Variants in NRG3 observed in about 807,000 individuals in gnomAD.
NRG3 encodes the protein neuregulin 3, also known as pro-neuregulin-3, membrane-bound isoform.
Under a neutral mutation model 66.9 loss-of-function variants are expected in NRG3, and 31 were observed. That is an observed-to-expected ratio of 0.46 (90% CI 0.35 to 0.63). NRG3 has a LOEUF of 0.63. Among genes scored for constraint, NRG3 ranks in the 20% least tolerant of loss-of-function variants. NRG3 has a pLI of 0.00. For missense variants in NRG3, 910 were observed against 878.9 expected (o/e 1.04, Z -0.45); for synonymous variants, 393 against 359.4 (o/e 1.09, Z -1.06).
intron 2 of NRG3, among the ~76,000 whole-genome samples, chr10:82,575,914 A>G (rs1325085404): frequency 6.6e-6 from 1 of 151,716 alleles, no homozygotes; most frequent in Non-Finnish European, 1.5e-5. Context: ...TGGGGAATAA[A>G]TGAATGGATT....
chr10:82,716,574 A>G (rs931981746), intron 2 of NRG3, among the ~76,000 whole-genome samples: 1 of 152,180 alleles, frequency 6.6e-6, no homozygotes, highest in African/African-American at 2.4e-5. Context: ...TGCCCTGCTG[A>G]TAAGAACTAA....
intron 5 of NRG3, among the ~76,000 whole-genome samples, chr10:82,957,950 T>C (rs1438347978): frequency 1.3e-5 from 2 of 152,000 alleles, no homozygotes; most frequent in Non-Finnish European, 2.9e-5. Flanking sequence ...GTACCAAGTC[T>C]ATGCTAATAG....
At chr10:82,942,765 T>C (rs1040460944) in intron 4 of NRG3, among the ~76,000 whole-genome samples, 12 of 152,288 alleles carry the variant, frequency 7.9e-5, no homozygotes, top group Non-Finnish European at 1.0e-4. Flanking sequence ...GCTCTTATCC[T>C]CTTATCCATT....
chr10:82,567,947 G>C (rs766873300), intron 2 of NRG3, among the ~76,000 whole-genome samples: 53 of 152,026 alleles, frequency 3.5e-4, no homozygotes, highest in Non-Finnish European at 6.3e-4. Flanking sequence ...AAGGACCATT[G>C]TAGTTAAGCC....
intron 1 of NRG3, among the ~76,000 whole-genome samples, chr10:82,170,502 G>T (rs2072487405): frequency 6.6e-6 from 1 of 151,050 alleles, no homozygotes; most frequent in South Asian, 2.1e-4. Flanking sequence ...AAATCCATAT[G>T]GTTCACCATT....
intron 1 of NRG3, among the ~76,000 whole-genome samples, chr10:82,091,356 A>G (rs1435490949): frequency 1.3e-5 from 2 of 151,972 alleles, no homozygotes; most frequent in African/African-American, 2.4e-5. Flanking sequence ...GGTAACCTCT[A>G]TTGTACTTTC....
chr10:81,929,352 A>T (rs1272553848), intron 1 of NRG3, among the ~76,000 whole-genome samples: 1 of 152,222 alleles, frequency 6.6e-6, no homozygotes, highest in African/African-American at 2.4e-5. Context: ...GTGCCTAAGA[A>T]TTAAAACATA....
At chr10:82,264,953 C>A (rs2078219937) in intron 1 of NRG3, among the ~76,000 whole-genome samples, 1 of 152,092 alleles carries the variant, frequency 6.6e-6, no homozygotes, top group South Asian at 2.1e-4. Flanking sequence ...GATCAGGAGG[C>A]AAGATAGCAT....
chr10:82,245,303 A>G (rs1203701753), intron 1 of NRG3, among the ~76,000 whole-genome samples: 1 of 152,166 alleles, frequency 6.6e-6, no homozygotes, highest in Non-Finnish European at 1.5e-5. Flanking sequence ...CTCATCTGAC[A>G]GGAGACGGAG....
intron 1 of NRG3, among the ~76,000 whole-genome samples, chr10:82,175,055 A>C (rs532862092): frequency 7.9e-5 from 12 of 152,214 alleles, no homozygotes; most frequent in Middle Eastern, 3.4e-3. Flanking sequence ...TCAGGCATTA[A>C]TTTTTACCTT....
chr10:82,976,362 C>T (rs945714665), intron 7 of NRG3, among the ~76,000 whole-genome samples: 2 of 152,100 alleles, frequency 1.3e-5, no homozygotes, highest in African/African-American at 4.8e-5. Context: ...CACCATGCCA[C>T]TTATAAAAAG....
chr10:82,163,450 A>G (rs1458438460), intron 1 of NRG3, among the ~76,000 whole-genome samples: 1 of 152,196 alleles, frequency 6.6e-6, no homozygotes, highest in Non-Finnish European at 1.5e-5. Context: ...ACCAGATACC[A>G]ACTACAATAT....
chr10:82,878,544 G>A lies in NRG3; in HGVS notation c.1054+13107G>A, dbSNP rs150052622. ...AGTCTGTGCCAGATTCAGAGAAAGC[G>A]GCAAGTGCAGAATGCCTGGGGAGGC... is the stretch of plus-strand genomic sequence containing the variant. On this transcript the variant is annotated intron_variant, in intron 4 of 8. Transcript: ENST00000372141. Among the ~76,000 whole-genome samples, 172 of 152,294 alleles carry A rather than the reference G, an allele frequency of 1.1e-3. 2 individuals are homozygous for A. The highest frequency in any genetic ancestry group is 6.8e-3 in the Middle Eastern group (2 of 294).
At chr10:81,993,981 A>T (rs2060839190) in intron 1 of NRG3, among the ~76,000 whole-genome samples, 1 of 152,134 alleles carries the variant, frequency 6.6e-6, no homozygotes, top group South Asian at 2.1e-4. Context: ...TTCTTTAGAC[A>T]ATTTCCTATT....
chr10:82,184,231 A>C (rs74144196), intron 1 of NRG3, among the ~76,000 whole-genome samples: 1 of 152,124 alleles, frequency 6.6e-6, no homozygotes, highest in Non-Finnish European at 1.5e-5. Context: ...TATAAAATCA[A>C]TGTCTGATAA....
chr10:82,084,183 G>A (rs12569717), intron 1 of NRG3, among the ~76,000 whole-genome samples: 9,257 of 151,978 alleles, frequency 0.061, 432 homozygotes, highest in East Asian at 0.24. Flanking sequence ...AGCCGAGATT[G>A]CGCCACTGCA....
At chr10:82,011,754 A>G (rs1049011728) in intron 1 of NRG3, among the ~76,000 whole-genome samples, 1 of 152,170 alleles carries the variant, frequency 6.6e-6, no homozygotes, top group Non-Finnish European at 1.5e-5. Flanking sequence ...GAGCTCCAAA[A>G]TGATCTCCTT....
chr10:82,130,554 A>G (rs1486523506), intron 1 of NRG3, among the ~76,000 whole-genome samples: 1 of 151,992 alleles, frequency 6.6e-6, no homozygotes, highest in Admixed American at 6.6e-5. Flanking sequence ...GGGGGTATAT[A>G]CCTAGCAGTG....
chr10:82,894,105 T>C (rs746136804), intron 4 of NRG3, among the ~76,000 whole-genome samples: 51 of 152,202 alleles, frequency 3.4e-4, no homozygotes, highest in Non-Finnish European at 6.3e-4. Context: ...TCCCAAAATT[T>C]ATTTTAAATG....
Sources: gnomAD v4.1 joint callset for allele counts (sites outside exome capture counted in the v4.1 genomes callset) on GRCh38, gnomAD v4.1.1 for gene constraint, MANE v1.5 for transcripts, NCBI Gene and HGNC (gene_info 2026-07-23, HGNC 2026-07-21) for gene names.